The following HSD17B12 variants were observed in gnomAD, a reference collection of about 807,000 sequenced individuals.
The protein encoded by HSD17B12 is very-long-chain 3-oxoacyl-CoA reductase.
In HSD17B12, 32 loss-of-function variants were observed where a neutral mutation model predicts 39.3. That is an observed-to-expected ratio of 0.81 (90% CI 0.61 to 1.09). HSD17B12 has a LOEUF of 1.09. Among genes scored for constraint, HSD17B12 ranks in the 50% least tolerant of loss-of-function variants. The probability of loss-of-function intolerance (pLI) is 0.00; values close to 1 mark genes in which losing one functional copy is unlikely to be tolerated. For missense variants in HSD17B12, 342 were observed against 382.9 expected, an observed-to-expected ratio of 0.89 and a Z score of 0.89; for synonymous variants, 150 against 146.7, an observed-to-expected ratio of 1.02 and a Z score of -0.16.
chr11:43,615,329 C>T, the HSD17B12 span, among the ~76,000 whole-genome samples: 1 of 152,174 alleles, frequency 6.6e-6, no homozygotes, highest in Non-Finnish European at 1.5e-5. Context: ...ATTTCTGGAA[C>T]CTCACAGTTT....
At chr11:43,770,978 T>C (rs545522451) in intron 3 of HSD17B12, among the ~76,000 whole-genome samples, 33 of 152,348 alleles carry the variant, frequency 2.2e-4, no homozygotes, top group African/African-American at 7.9e-4. Context: ...TCTATAGATA[T>C]GAATACTAAA....
the HSD17B12 span, among the ~76,000 whole-genome samples, chr11:43,613,483 A>T: frequency 2.0e-5 from 3 of 152,136 alleles, no homozygotes; most frequent in Non-Finnish European, 4.4e-5. Context: ...ACTTATGCTT[A>T]AAAACATCTC....
intron 6 of HSD17B12, among the ~76,000 whole-genome samples, chr11:43,827,607 A>G (rs1469796261): frequency 6.6e-6 from 1 of 152,244 alleles, no homozygotes; most frequent in African/African-American, 2.4e-5. Flanking sequence ...TACAAACACT[A>G]AGAAGAAATT....
intron 3 of HSD17B12, among the ~76,000 whole-genome samples, chr11:43,771,462 C>CTTTTTTTT (rs34783257): frequency 2.4e-4 from 22 of 90,634 alleles, no homozygotes; most frequent in African/African-American, 4.5e-4. Context: ...GACTCATATT[C>CTTTTTTTT]TTTTTTTTTT....
intron 1 of HSD17B12, among the ~76,000 whole-genome samples, chr11:43,682,588 T>C (rs1949760097): frequency 6.6e-6 from 1 of 151,324 alleles, no homozygotes; most frequent in Non-Finnish European, 1.5e-5. Flanking sequence ...GTATTCAACT[T>C]GGTTATAATT....
chr11:43,567,925 T>TA, the HSD17B12 span, among the ~76,000 whole-genome samples: 1 of 152,096 alleles, frequency 6.6e-6, no homozygotes, highest in South Asian at 2.1e-4. Flanking sequence ...TCATAATTCT[T>TA]ATGATTCTCC....
chr11:43,755,120 T>C, intron 3 of HSD17B12: 2 of 354,392 alleles, frequency 5.6e-6, no homozygotes, highest in East Asian at 8.6e-5. Flanking sequence ...TTATGTTGGG[T>C]ATATTTTTTA....
At chr11:43,713,080 A>G (rs1950084651) in intron 1 of HSD17B12, among the ~76,000 whole-genome samples, 1 of 151,868 alleles carries the variant, frequency 6.6e-6, no homozygotes, top group Admixed American at 6.6e-5. Flanking sequence ...TTTTTATGAT[A>G]ATGGAAATAT....
the HSD17B12 span, among the ~76,000 whole-genome samples, chr11:43,586,849 T>G: frequency 1.3e-5 from 2 of 152,220 alleles, no homozygotes; most frequent in African/African-American, 4.8e-5. Flanking sequence ...ATTATTCTGG[T>G]GGCCTTTTTC....
At chr11:43,704,968 A>AT (rs1203294595) in intron 1 of HSD17B12, among the ~76,000 whole-genome samples, 1 of 152,172 alleles carries the variant, frequency 6.6e-6, no homozygotes, top group African/African-American at 2.4e-5. Context: ...TAAAAATTCC[A>AT]TTTTTTAAGG....
chr11:43,835,963 T>G (rs1336014125), intron 7 of HSD17B12, among the ~76,000 whole-genome samples: 7 of 152,212 alleles, frequency 4.6e-5, no homozygotes, highest in Non-Finnish European at 7.3e-5. Flanking sequence ...CTTAGATCAT[T>G]GCTTTGGTGA....
At chr11:43,615,187 C>T in the HSD17B12 span, among the ~76,000 whole-genome samples, 58,059 of 151,918 alleles carry the variant, frequency 0.38, 12,509 homozygotes, top group East Asian at 0.75. Flanking sequence ...TATAGAGTAA[C>T]TTTTATTCTA....
chr11:43,832,684 G>A (rs182502601), intron 7 of HSD17B12, among the ~76,000 whole-genome samples: 1 of 152,228 alleles, frequency 6.6e-6, no homozygotes, highest in Admixed American at 6.5e-5. Flanking sequence ...CATTCAATAG[G>A]CATTCATTTA....
At chr11:43,596,676 G>A in the HSD17B12 span, among the ~76,000 whole-genome samples, 1 of 152,110 alleles carries the variant, frequency 6.6e-6, no homozygotes, top group Non-Finnish European at 1.5e-5. Context: ...GAACTCAAGC[G>A]ATCCTCCTGC....
chr11:43,803,802 A>G (rs2135056133), intron 4 of HSD17B12, among the ~76,000 whole-genome samples: 1 of 152,318 alleles, frequency 6.6e-6, no homozygotes, highest in Middle Eastern at 3.4e-3. Flanking sequence ...CTAAGCATCT[A>G]CTGTCTTCTT....
At chr11:43,840,201 G>T in intron 9 of HSD17B12, 137 bp downstream of exon 9, 3 of 619,538 alleles carry the variant, frequency 4.8e-6, no homozygotes, top group South Asian at 2.5e-5. Flanking sequence ...TAAAAACGTG[G>T]TTTCTTTTTC....
chr11:43,634,866 G>A, the HSD17B12 span, among the ~76,000 whole-genome samples: 1 of 152,300 alleles, frequency 6.6e-6, no homozygotes, highest in South Asian at 2.1e-4. Flanking sequence ...ACTGATGACA[G>A]AATAAAGACT....
At chr11:43,688,308 A>C (rs986103880) in intron 1 of HSD17B12, among the ~76,000 whole-genome samples, 1 of 152,194 alleles carries the variant, frequency 6.6e-6, no homozygotes, top group Non-Finnish European at 1.5e-5. Context: ...CATCTCTCAG[A>C]GACCATTTCT....
At chr11:43,676,861 C>T (rs1484653606), upstream of HSD17B12, among the ~76,000 whole-genome samples, 1 of 152,164 alleles carries the variant, frequency 6.6e-6, no homozygotes, top group African/African-American at 2.4e-5. Context: ...CTCCCCCTTC[C>T]ACCCTATTCT....
Sources: allele counts gnomAD v4.1 joint callset (sites outside exome capture counted in the v4.1 genomes callset), GRCh38; gene constraint gnomAD v4.1.1; transcripts MANE v1.5; gene names NCBI Gene and HGNC (gene_info 2026-07-23, HGNC 2026-07-21).